OLFM2: variants seen among roughly 807,000 people sequenced by gnomAD.
The protein encoded by OLFM2 is noelin-2.
In OLFM2, 20 loss-of-function variants were observed where a neutral mutation model predicts 43.9. That is an observed-to-expected ratio of 0.46 (90% CI 0.32 to 0.66). OLFM2 has a LOEUF of 0.66. OLFM2 is among the 30% of genes least tolerant of loss of function. The pLI is 0.04. For synonymous variants in OLFM2, 268 were observed against 278.6 expected, an observed-to-expected ratio of 0.96 and a Z score of 0.38; for missense variants, 416 against 643.6, an observed-to-expected ratio of 0.65 and a Z score of 3.83.
intron 2 of OLFM2, chr19:9,858,316 T>C: frequency 3.8e-6 from 1 of 261,094 alleles, no homozygotes; most frequent in Non-Finnish European, 7.5e-6. Flanking sequence ...CTTGCTGGTC[T>C]CTCTACCTGG....
intron 1 of OLFM2, among the ~76,000 whole-genome samples, chr19:9,874,359 G>A (rs62106799): frequency 0.17 from 24,929 of 147,138 alleles, 2,602 homozygotes; most frequent in South Asian, 0.23. Context: ...AGAGATGGGG[G>A]TCTCACTATG....
chr19:9,883,505 C>A (rs2046558558), intron 1 of OLFM2, among the ~76,000 whole-genome samples: 1 of 152,068 alleles, frequency 6.6e-6, no homozygotes, highest in African/African-American at 2.4e-5. Flanking sequence ...TGGCTAAGCA[C>A]TGAGCAGCTG....
chr19:9,856,969 C>T lies in OLFM2; in HGVS notation c.581-56G>A. The T allele has an allele frequency of 7.2e-7, 1 of 1,384,532 alleles. No homozygotes were observed. Among genetic ancestry groups the T allele is most frequent in the Non-Finnish European group, 1.0e-6 (1 of 992,464 alleles). 85.8% of individuals were successfully genotyped at this position (1,384,532 alleles called of 1,614,324 possible). ...GGGGAAATGAACAGCCCAAGAGAGG[C>T]CAGGCAAAGATGAAGTGCTGTGATC... On this transcript the variant is annotated intron_variant, in intron 4 of 5. Coordinates refer to ENST00000264833, the MANE Select transcript of OLFM2 (RefSeq NM_058164.4). This position sits in a 1 kb window ranked among gnomAD's most constrained non-coding sequence, Gnocchi z 4.0.
Position 9,867,686 on chromosome 19 carries a change from GGAT to G in OLFM2, c.64-6895_64-6893del, listed in dbSNP as rs2046413205. 2.0e-5 allele frequency among the ~76,000 whole-genome samples: 3 copies of G among 152,088 alleles called. No individual in the cohort carries two copies. In the South Asian group the frequency reaches 6.2e-4, roughly 32 times the overall value. ...TAGCGCCAATTAAATATGAGAGCGG[GGAT>G]TAGATATTTTTGGAGGACAGCCTGC... On this transcript the variant is annotated intron_variant, in intron 1 of 5. Transcript: ENST00000264833.
intron 1 of OLFM2, among the ~76,000 whole-genome samples, chr19:9,911,017 T>C (rs1029018649): frequency 2.6e-5 from 4 of 151,458 alleles, no homozygotes. Context: ...TAAAAACAGA[T>C]GGATAGATGA....
intron 1 of OLFM2, among the ~76,000 whole-genome samples, chr19:9,890,082 G>T (rs2046624934): frequency 6.6e-6 from 1 of 152,074 alleles, no homozygotes; most frequent in Non-Finnish European, 1.5e-5. Context: ...GAGGACAGGG[G>T]TCTCTCTGGT....
chr19:9,863,421 G>T (rs1351086623), intron 1 of OLFM2, among the ~76,000 whole-genome samples: 1 of 152,122 alleles, frequency 6.6e-6, no homozygotes, highest in Non-Finnish European at 1.5e-5. Context: ...GGGAACGAGG[G>T]AGGGAGGCCA....
chr19:9,909,871 A>G (rs889171772), intron 1 of OLFM2, among the ~76,000 whole-genome samples: 15 of 152,152 alleles, frequency 9.9e-5, no homozygotes, highest in African/African-American at 3.6e-4. Context: ...AAACACTACT[A>G]TGTGCCCGTT....
chr19:9,915,426 A>C (rs974179324), intron 1 of OLFM2, among the ~76,000 whole-genome samples: 2 of 152,010 alleles, frequency 1.3e-5, no homozygotes, highest in Non-Finnish European at 2.9e-5. Flanking sequence ...ACGGGAAAAA[A>C]GTAAAGTACA....
At chr19:9,935,592 C>T (rs145575314) in intron 1 of OLFM2, among the ~76,000 whole-genome samples, 2 of 152,268 alleles carry the variant, frequency 1.3e-5, no homozygotes, top group East Asian at 3.9e-4. Context: ...CAGAATAGCA[C>T]ACGCTCACTC....
intron 1 of OLFM2, among the ~76,000 whole-genome samples, chr19:9,927,123 A>T (rs774125993): frequency 2.0e-5 from 3 of 151,988 alleles, no homozygotes; most frequent in Non-Finnish European, 4.4e-5. Context: ...CTCTACTAAA[A>T]ATACAAAAAT....
At chr19:9,896,098 T>A (rs560085272) in intron 1 of OLFM2, among the ~76,000 whole-genome samples, 2,581 of 140,256 alleles carry the variant, frequency 0.018, 63 homozygotes, top group African/African-American at 0.062. Context: ...TTAATTTTTT[T>A]TTTTTTTTTT....
rs911618651 is a variant in OLFM2, at chr19:9,877,305, G to A, written c.64-16511C>T. On this transcript the variant is annotated intron_variant, in intron 1 of 5. Transcript: ENST00000264833. The stretch of plus-strand genomic sequence containing the variant: ...TCCCAGCACTTTGGGAGGCTGAGGC[G>A]GGCAGATCACCTGAGGTCAGGAGTT... 6.0e-5 allele frequency among the ~76,000 whole-genome samples: 9 copies of A among 151,168 alleles called. No individual in the cohort carries two copies. In the South Asian group the frequency reaches 6.3e-4, roughly 11 times the overall value.
chr19:9,923,869 G>T (rs1355744993), intron 1 of OLFM2, among the ~76,000 whole-genome samples: 1 of 151,670 alleles, frequency 6.6e-6, no homozygotes, highest in East Asian at 1.9e-4. Flanking sequence ...GGAGGCTAAG[G>T]CAGGTGGATT....
At chr19:9,909,790 G>A (rs191257981) in intron 1 of OLFM2, among the ~76,000 whole-genome samples, 91 of 152,246 alleles carry the variant, frequency 6.0e-4, no homozygotes, top group African/African-American at 2.2e-3. Flanking sequence ...AAGGTGAAAT[G>A]GATTTAGACA....
chr19:9,919,359 G>A (rs997340290), intron 1 of OLFM2, among the ~76,000 whole-genome samples: 1 of 152,014 alleles, frequency 6.6e-6, no homozygotes, highest in South Asian at 2.1e-4. Context: ...GTGGAGATGG[G>A]GTTTCACTGT....
chr19:9,905,282 C>G (rs997832454), intron 1 of OLFM2, among the ~76,000 whole-genome samples: 4 of 152,018 alleles, frequency 2.6e-5, no homozygotes, highest in African/African-American at 9.7e-5. Context: ...ACGGTGAAAC[C>G]CCGTCTCTAC....
chr19:9,869,540 G>T (rs2046427434), intron 1 of OLFM2, among the ~76,000 whole-genome samples: 1 of 152,138 alleles, frequency 6.6e-6, no homozygotes, highest in Admixed American at 6.6e-5. Flanking sequence ...AGGATCAAAT[G>T]AGTTCATAAT....
intron 1 of OLFM2, among the ~76,000 whole-genome samples, chr19:9,887,282 G>A (rs992517788): frequency 7.9e-5 from 12 of 151,712 alleles, no homozygotes; most frequent in Non-Finnish European, 1.6e-4. Context: ...GGGTTAAAGC[G>A]ATTCTCCTGC....
Sources: gnomAD v4.1 joint callset for allele counts (sites outside exome capture counted in the v4.1 genomes callset) on GRCh38, gnomAD v4.1.1 for gene constraint, Gnocchi (gnomAD v3.1) non-coding constraint, MANE v1.5 for transcripts, NCBI Gene and HGNC (gene_info 2026-07-23, HGNC 2026-07-21) for gene names.